Variants in MPDZ observed in about 807,000 individuals in gnomAD.
MPDZ encodes multiple PDZ domain crumbs cell polarity complex component.
In MPDZ, 234 loss-of-function variants were observed where a neutral mutation model predicts 239.1. The observed-to-expected ratio is 0.98, with a 90% confidence interval of 0.88 to 1.09. MPDZ has a LOEUF of 1.09. MPDZ is among the 50% of genes least tolerant of loss of function. The pLI is 0.00. For synonymous variants in MPDZ, 1,048 were observed against 881.3 expected (o/e 1.19, Z -3.35); for missense variants, 3,175 against 2,510.0 (o/e 1.26, Z -5.66).
intron 1 of MPDZ, among the ~76,000 whole-genome samples, chr9:13,272,815 C>A (rs984321906): frequency 2.0e-5 from 3 of 151,798 alleles, no homozygotes; most frequent in Admixed American, 6.6e-5. Context: ...GAGTGAGAAG[C>A]CGAGGAGGAA....
chr9:13,125,799 G>A (rs1406273727), intron 34 of MPDZ, among the ~76,000 whole-genome samples: 1 of 152,154 alleles, frequency 6.6e-6, no homozygotes, highest in African/African-American at 2.4e-5. Context: ...ACATATGTTA[G>A]AAGCAGAATA....
chr9:13,243,723 T>TA (rs1564116193), intron 3 of MPDZ, among the ~76,000 whole-genome samples: 1 of 152,232 alleles, frequency 6.6e-6, no homozygotes, highest in African/African-American at 2.4e-5. Flanking sequence ...AGAGTTGTCA[T>TA]AAAATTTCCA....
chr9:13,190,357 C>A (rs1403244536), intron 15 of MPDZ, 58 bp from the exon 16 acceptor site: 1 of 1,338,178 alleles, frequency 7.5e-7, no homozygotes, highest in Non-Finnish European at 9.7e-7. Flanking sequence ...ACACACATAC[C>A]AACACTACAA....
At chr9:13,123,719 G>A (rs922532815) in intron 35 of MPDZ, among the ~76,000 whole-genome samples, 3 of 152,170 alleles carry the variant, frequency 2.0e-5, no homozygotes, top group African/African-American at 7.2e-5. Flanking sequence ...ATGTGGCAAA[G>A]ACCTAGAAGT....
chr9:13,277,189 A>G (rs1310790443), intron 1 of MPDZ, among the ~76,000 whole-genome samples: 1 of 152,188 alleles, frequency 6.6e-6, no homozygotes, highest in Non-Finnish European at 1.5e-5. Flanking sequence ...AAAATTGACT[A>G]AAGATCCCTC....
intron 3 of MPDZ, among the ~76,000 whole-genome samples, chr9:13,234,869 T>C (rs532806774): frequency 2.0e-5 from 3 of 151,996 alleles, no homozygotes; most frequent in Admixed American, 6.6e-5. Flanking sequence ...GACAAAAACA[T>C]GTGCTTTTTT....
chr9:13,235,311 A>G (rs961704506), intron 3 of MPDZ, among the ~76,000 whole-genome samples: 1 of 152,200 alleles, frequency 6.6e-6, no homozygotes, highest in African/African-American at 2.4e-5. Context: ...AGTTATAAGA[A>G]GGGAAAACAA....
intron 1 of MPDZ, among the ~76,000 whole-genome samples, chr9:13,278,358 T>A (rs1974726318): frequency 6.6e-6 from 1 of 152,094 alleles, no homozygotes; most frequent in Non-Finnish European, 1.5e-5. Flanking sequence ...CACCGCGCAG[T>A]AGAGGTCTCC....
At chr9:13,155,464 T>C (rs4741288) in intron 24 of MPDZ, among the ~76,000 whole-genome samples, 3,523 of 152,210 alleles carry the variant, frequency 0.023, 96 homozygotes, top group South Asian at 0.092. Context: ...TATTCACATA[T>C]TGAAATGCAA....
chr9:13,130,433 T>G (rs1945803494), intron 32 of MPDZ, among the ~76,000 whole-genome samples: 1 of 100,310 alleles, frequency 1.0e-5, no homozygotes, highest in South Asian at 4.5e-4. Context: ...TAACCGTTCA[T>G]TCACTCTTCC....
intron 3 of MPDZ, among the ~76,000 whole-genome samples, chr9:13,244,837 C>T (rs777225023): frequency 6.6e-6 from 1 of 152,056 alleles, no homozygotes; most frequent in Non-Finnish European, 1.5e-5. Context: ...GTCATTAATA[C>T]AACAATATGA....
chr9:13,105,860 G>T lies in MPDZ; in HGVS notation c.*1105C>A. The stretch of plus-strand genomic sequence containing the variant: ...ATGTAGGAGTTTCACGCTCTAAAAT[G>T]GGAATGAACACATGATAATTCCTCA... On this transcript the variant is annotated 3_prime_UTR_variant, in exon 47 of 47. Coordinates refer to ENST00000319217, the MANE Select transcript of MPDZ (RefSeq NM_001378778.1). 1 of 152,088 alleles carries T rather than the reference G, an allele frequency of 6.6e-6. No homozygotes were observed. The highest frequency in any genetic ancestry group is 1.9e-4 in the East Asian group (1 of 5,190). 9.4% of individuals were successfully genotyped at this position (152,088 alleles called of 1,614,324 possible).
intron 24 of MPDZ, among the ~76,000 whole-genome samples, chr9:13,151,782 G>A (rs536768492): frequency 6.6e-6 from 1 of 151,974 alleles, no homozygotes; most frequent in Non-Finnish European, 1.5e-5. Flanking sequence ...CAAATGGTTA[G>A]GATGGCTTAA....
rs973965367 is a variant in MPDZ at position 13,112,071 on chromosome 9, C to T, written c.5677G>A (p.Ala1893Thr). 8 of 1,613,636 alleles carry T rather than the reference C, an allele frequency of 5.0e-6. No individual in the cohort carries two copies. The highest frequency in any genetic ancestry group is 1.6e-4 in the Middle Eastern group (1 of 6,062). Residue 1893 changes from alanine (A) to threonine (T), a missense_variant, in exon 43 of 47, where the codon GCA becomes ACA. Physicochemically the swap from Ala to Thr is moderately conservative, Grantham distance 58. Transcript: ENST00000319217. ...SPLGDVPIFI[A>T]MMHPTGVAAQ... ...GCAACTCCAGTTGGGTGCATCATTG[C>T]AATAAATATAGGCACATCACCAAGT...
intron 8 of MPDZ, among the ~76,000 whole-genome samples, chr9:13,217,786 T>C (rs572653740): frequency 1.1e-4 from 16 of 151,816 alleles, no homozygotes; most frequent in Non-Finnish European, 2.1e-4. Flanking sequence ...ATTGAGCAGT[T>C]TGTGTGTAAC....
chr9:13,144,497 C>G (rs1035869312), intron 26 of MPDZ, among the ~76,000 whole-genome samples: 1 of 151,852 alleles, frequency 6.6e-6, no homozygotes, highest in Non-Finnish European at 1.5e-5. Flanking sequence ...TTGACTATAT[C>G]TTTCAGGGGA....
At chr9:13,223,477 TGCCA>T in intron 5 of MPDZ, 90 bp downstream of exon 5, 1 of 1,381,472 alleles carries the variant, frequency 7.2e-7, no homozygotes, top group Non-Finnish European at 9.6e-7. Flanking sequence ...AATTTTTTGT[TGCCA>T]TTCATTATTA....
chr9:13,151,185 G>A (rs1406722870), intron 24 of MPDZ, among the ~76,000 whole-genome samples: 1 of 151,966 alleles, frequency 6.6e-6, no homozygotes, highest in African/African-American at 2.4e-5. Flanking sequence ...TGCAGAGCGT[G>A]TGAAACCCTT....
Position 13,227,166 on chromosome 9 carries a change from T to G in MPDZ, c.184-2583A>C, listed in dbSNP as rs189787336. 6.7e-3 allele frequency among the ~76,000 whole-genome samples: 1,017 copies of G among 152,262 alleles called. 9 individuals carry two copies. Among genetic ancestry groups the G allele is most frequent in the Non-Finnish European group, 7.1e-3 (480 of 68,014 alleles). On this transcript the variant is annotated intron_variant, in intron 3 of 46. Coordinates refer to ENST00000319217, the MANE Select transcript of MPDZ (RefSeq NM_001378778.1). ...AATCTATACATAAGAGTTTGTTACC[T>G]ATCCTTAAAAATAAAACAGAAAACT...
Sources: allele counts gnomAD v4.1 joint callset (sites outside exome capture counted in the v4.1 genomes callset), GRCh38; gene constraint gnomAD v4.1.1; transcripts MANE v1.5; gene names NCBI Gene and HGNC (gene_info 2026-07-23, HGNC 2026-07-21).